Variants in MCUB observed in about 807,000 individuals in gnomAD.
MCUB encodes the protein mitochondrial calcium uniporter dominant negative subunit beta, also known as calcium uniporter regulatory subunit MCUb, mitochondrial.
A neutral mutation model predicts 41.4 loss-of-function variants in MCUB; 46 were observed. The ratio of observed to expected loss-of-function variants is 1.11; its 90% CI spans 0.88 to 1.42. MCUB has a LOEUF of 1.42. Among genes scored for constraint, MCUB ranks in the 40% most tolerant of loss-of-function variants. The pLI is 0.00. For synonymous variants in MCUB, 148 were observed against 148.2 expected, an observed-to-expected ratio of 1.00 and a Z score of 0.01; for missense variants, 403 against 404.9, an observed-to-expected ratio of 1.00 and a Z score of 0.04.
Position 109,620,911 on chromosome 4 carries a change from T to TC in MCUB, c.100-38095dup, listed in dbSNP as rs1554017953. ...CAACATTCTTCTTCTTTTTTTTTTT[T>TC]CCCCCAAGATGGAGTCTCTCTCTGT... On this transcript the variant is annotated intron_variant, in intron 1 of 7. Coordinates refer to ENST00000394650, the MANE Select transcript of MCUB (RefSeq NM_017918.5). 3.8e-3 allele frequency among the ~76,000 whole-genome samples: 581 copies of TC among 151,066 alleles called. 7 individuals carry two copies. The highest frequency in any genetic ancestry group is 0.016 in the East Asian group (85 of 5,154).
chr4:109,560,326 TG>T lies in MCUB; in HGVS notation c.-8del, dbSNP rs1368924450. ...CTGACGCCTGCGGGAGCCGCGCGCC[TG>T]GGGCGGGAGGATGCTCCAGAGGGGC... On this transcript the variant is annotated 5_prime_UTR_variant, in exon 1 of 8. Coordinates refer to ENST00000394650, the MANE Select transcript of MCUB (RefSeq NM_017918.5). The T allele has an allele frequency of 1.6e-6, 2 of 1,237,098 alleles. No individual in the cohort carries two copies. The highest frequency in any genetic ancestry group is 6.4e-5 in the South Asian group (2 of 31,042). The allele number at this position is 1,237,098 out of a possible 1,614,324, so 76.6% of individuals were successfully genotyped here.
At chr4:109,616,827 G>T (rs1010006968) in intron 1 of MCUB, among the ~76,000 whole-genome samples, 2 of 152,004 alleles carry the variant, frequency 1.3e-5, no homozygotes, top group Non-Finnish European at 2.9e-5. Flanking sequence ...CTATGGATTT[G>T]CCCTCTTCCA....
intron 1 of MCUB, among the ~76,000 whole-genome samples, chr4:109,624,957 T>C (rs1406490283): frequency 1.3e-5 from 2 of 152,048 alleles, no homozygotes; most frequent in Non-Finnish European, 2.9e-5. Context: ...CTAGCCAACA[T>C]GGTGAACCCC....
intron 2 of MCUB, among the ~76,000 whole-genome samples, chr4:109,659,856 C>T (rs11098040): frequency 0.27 from 41,312 of 151,994 alleles, 6,302 homozygotes; most frequent in East Asian, 0.47. Flanking sequence ...TGGGGTTTCG[C>T]CATGTTGCCC....
At chr4:109,633,076 CAT>C (rs1274498717) in intron 1 of MCUB, among the ~76,000 whole-genome samples, 4 of 152,000 alleles carry the variant, frequency 2.6e-5, no homozygotes, top group Admixed American at 6.6e-5. Flanking sequence ...AAGGAGGTGA[CAT>C]GTGATAGAAA....
At chr4:109,603,667 C>T (rs190251603) in intron 1 of MCUB, among the ~76,000 whole-genome samples, 7 of 151,742 alleles carry the variant, frequency 4.6e-5, no homozygotes, top group East Asian at 2.0e-4. Flanking sequence ...CGCCTCTGCC[C>T]GGCCACCACC....
intron 1 of MCUB, among the ~76,000 whole-genome samples, chr4:109,602,773 A>C (rs1345883203): frequency 6.6e-6 from 1 of 152,332 alleles, no homozygotes; most frequent in South Asian, 2.1e-4. Context: ...TAGGGATTGC[A>C]TGGAATCTGT....
intron 1 of MCUB, among the ~76,000 whole-genome samples, chr4:109,639,694 A>C (rs116800219): frequency 6.6e-6 from 1 of 152,142 alleles, no homozygotes; most frequent in African/African-American, 2.4e-5. Flanking sequence ...TCTCAAAAAA[A>C]GAAAAAAATA....
At chr4:109,621,547 A>G (rs571562031) in intron 1 of MCUB, among the ~76,000 whole-genome samples, 27 of 152,336 alleles carry the variant, frequency 1.8e-4, no homozygotes, top group African/African-American at 6.3e-4. Context: ...ATGGCTTGGA[A>G]GAAAAAGGAC....
At chr4:109,587,509 T>G (rs1727337866) in intron 1 of MCUB, among the ~76,000 whole-genome samples, 1 of 152,180 alleles carries the variant, frequency 6.6e-6, no homozygotes, top group Non-Finnish European at 1.5e-5. Context: ...GGTACCTCAG[T>G]TGGAAATGCA....
At chr4:109,604,252 G>A (rs918483249) in intron 1 of MCUB, among the ~76,000 whole-genome samples, 23 of 149,920 alleles carry the variant, frequency 1.5e-4, no homozygotes, top group Non-Finnish European at 2.1e-4. Flanking sequence ...CACTGCGGAA[G>A]GCCGCAGGGA....
At chr4:109,601,233 TC>T (rs1727726218) in intron 1 of MCUB, among the ~76,000 whole-genome samples, 1 of 152,174 alleles carries the variant, frequency 6.6e-6, no homozygotes, top group Non-Finnish European at 1.5e-5. Flanking sequence ...GGGGTATCCA[TC>T]CCCTCAAGCA....
chr4:109,607,615 T>G (rs1217873458), intron 1 of MCUB, among the ~76,000 whole-genome samples: 9 of 152,256 alleles, frequency 5.9e-5, no homozygotes, highest in Admixed American at 5.9e-4. Flanking sequence ...TGGGAAAGTC[T>G]TTATTTCTCC....
At chr4:109,661,993 A>T (rs902626582) in intron 3 of MCUB, among the ~76,000 whole-genome samples, 1 of 152,198 alleles carries the variant, frequency 6.6e-6, no homozygotes, top group Non-Finnish European at 1.5e-5. Flanking sequence ...AGATGGCACC[A>T]CTGCACTCCA....
chr4:109,649,866 G>A (rs976013315), intron 1 of MCUB, among the ~76,000 whole-genome samples: 6 of 152,128 alleles, frequency 3.9e-5, no homozygotes, highest in South Asian at 2.1e-4. Flanking sequence ...GAGCCACTGC[G>A]TCCAGCTAGG....
At chr4:109,672,417 C>T (rs1036663572) in intron 4 of MCUB, among the ~76,000 whole-genome samples, 2 of 152,194 alleles carry the variant, frequency 1.3e-5, no homozygotes, top group Admixed American at 6.5e-5. Flanking sequence ...TGCTAGTTTA[C>T]ACTGAGTGTC....
chr4:109,610,972 G>A (rs1321514357), intron 1 of MCUB, among the ~76,000 whole-genome samples: 1 of 152,088 alleles, frequency 6.6e-6, no homozygotes, highest in Non-Finnish European at 1.5e-5. Flanking sequence ...TTTGTATGTG[G>A]GTGGCAGGTT....
rs3212153 is a variant in MCUB at position 109,688,325 on chromosome 4, G to A, written c.*733G>A. On this transcript the variant is annotated 3_prime_UTR_variant, in exon 8 of 8. Coordinates refer to ENST00000394650, the MANE Select transcript of MCUB (RefSeq NM_017918.5). ...TCTGTTATTCTATTAATGTGATTGT[G>A]TGTGAATGGGTCTGATGACTGTTGG... 0.1 allele frequency: 15,346 copies of A among 152,182 alleles called. 881 individuals are homozygous for A. The highest frequency in any genetic ancestry group is 0.13 in the Non-Finnish European group (9,082 of 68,012). 9.4% of individuals were successfully genotyped at this position (152,182 alleles called of 1,614,324 possible).
intron 1 of MCUB, among the ~76,000 whole-genome samples, chr4:109,575,256 TC>T (rs1427401799): frequency 6.6e-6 from 1 of 152,204 alleles, no homozygotes; most frequent in Non-Finnish European, 1.5e-5. Flanking sequence ...CCATCTGCCT[TC>T]CCCACCAAGG....
Sources: allele counts gnomAD v4.1 joint callset (sites outside exome capture counted in the v4.1 genomes callset), GRCh38; gene constraint gnomAD v4.1.1; transcripts MANE v1.5; gene names NCBI Gene and HGNC (gene_info 2026-07-23, HGNC 2026-07-21).